The following MTUS1 variants were observed in gnomAD, a reference collection of about 807,000 sequenced individuals.
MTUS1 encodes microtubule-associated tumor suppressor 1.
In MTUS1, 109 loss-of-function variants were observed where a neutral mutation model predicts 120.8. The ratio of observed to expected loss-of-function variants is 0.90; its 90% CI spans 0.77 to 1.06. MTUS1 has a LOEUF of 1.06. MTUS1 is among the 50% of genes least tolerant of loss of function. The pLI is 0.00. For synonymous variants in MTUS1, 737 were observed against 550.5 expected (o/e 1.34, Z -4.74); for missense variants, 2,210 against 1,486.3 (o/e 1.49, Z -8.01).
intron 1 of MTUS1, among the ~76,000 whole-genome samples, chr8:17,790,700 G>C (rs1266460336): frequency 2.6e-5 from 4 of 152,146 alleles, no homozygotes; most frequent in African/African-American, 9.7e-5. Flanking sequence ...ACTACTGCAT[G>C]ACTTGGCCTG....
intron 2 of MTUS1, among the ~76,000 whole-genome samples, chr8:17,745,318 T>C (rs891298760): frequency 4.4e-4 from 67 of 152,236 alleles, no homozygotes; most frequent in Non-Finnish European, 1.5e-4. Flanking sequence ...ATATAACCTA[T>C]GTACATCCTC....
intron 1 of MTUS1, among the ~76,000 whole-genome samples, chr8:17,800,317 C>T (rs2052579480): frequency 6.6e-6 from 1 of 152,166 alleles, no homozygotes; most frequent in African/African-American, 2.4e-5. Context: ...AAAGCTTCCA[C>T]GCACCGTTTT....
intron 3 of MTUS1, among the ~76,000 whole-genome samples, chr8:17,739,456 T>TGATG (rs1203613529): frequency 6.6e-6 from 1 of 150,776 alleles, no homozygotes; most frequent in Non-Finnish European, 1.5e-5. Flanking sequence ...TTGCGTCAAT[T>TGATG]GCACTCCAGC....
Position 17,757,948 on chromosome 8 carries a change from G to T in MTUS1, c.-154-1987C>A, listed in dbSNP as rs1053404181. Reference sequence around the variant, plus strand: ...TTGTGAATCCTAAAATGAGGGCTGTGTGATTTATATTCTGATGGAAAGTGT... The same window carrying T: ...TTGTGAATCCTAAAATGAGGGCTGTTTGATTTATATTCTGATGGAAAGTGT... On this transcript the variant is annotated intron_variant, in intron 1 of 14. Transcript: ENST00000693296. Among the ~76,000 whole-genome samples the T allele has an allele frequency of 4.6e-5, 7 of 152,278 alleles. 1 individual carries two copies. In the East Asian group the frequency reaches 9.6e-4, roughly 21 times the overall value.
chr8:17,719,026 T>G (rs1033942909), intron 4 of MTUS1, among the ~76,000 whole-genome samples: 2 of 151,994 alleles, frequency 1.3e-5, no homozygotes, highest in African/African-American at 2.4e-5. Flanking sequence ...AAATATTAGC[T>G]GGACGTGGTG....
intron 1 of MTUS1, among the ~76,000 whole-genome samples, chr8:17,779,800 A>G (rs2050731770): frequency 6.6e-6 from 1 of 152,288 alleles, no homozygotes; most frequent in Middle Eastern, 3.4e-3. Flanking sequence ...GGGCGGGGGC[A>G]GCCCCTTATT....
chr8:17,753,664 A>G, intron 2 of MTUS1, 53 bp downstream of exon 2: 1 of 1,217,168 alleles, frequency 8.2e-7, no homozygotes, highest in Non-Finnish European at 1.1e-6. Flanking sequence ...AACACATCTC[A>G]GTTTTCTCCA....
chr8:17,688,778 A>G (rs574771289), intron 6 of MTUS1, among the ~76,000 whole-genome samples: 10 of 152,334 alleles, frequency 6.6e-5, no homozygotes, highest in African/African-American at 2.4e-4. Flanking sequence ...TGTTTACTCT[A>G]AAAGAGTTAA....
At position 17,743,641 on chromosome 8, in the gene MTUS1, G is replaced by T; in HGVS notation, c.2250C>A (p.Ala750=). ...SDNRNPSADR[A]VSPQRIRRVS... ...CACGCCTGATCCTCTGAGGAGATACGGCTCGATCAGCACTGGGATTTCTAT... is the reference window on the plus strand; with the variant it reads ...CACGCCTGATCCTCTGAGGAGATACTGCTCGATCAGCACTGGGATTTCTAT... The change falls in exon 3 of 15, where the codon GCC becomes GCA. Residue 750 remains alanine (A), a synonymous_variant. Transcript: ENST00000693296. The T allele has an allele frequency of 3.1e-6, 5 of 1,614,038 alleles. No individual in the cohort carries two copies. The highest frequency in any genetic ancestry group is 4.2e-6 in the Non-Finnish European group (5 of 1,180,002).
intron 3 of MTUS1, among the ~76,000 whole-genome samples, chr8:17,730,981 A>G (rs2046536496): frequency 1.4e-5 from 1 of 71,894 alleles, no homozygotes; most frequent in Non-Finnish European, 3.0e-5. Context: ...TGTGCAATAT[A>G]TATTTTGCCA....
chr8:17,655,782 G>T, intron 9 of MTUS1, 81 bp downstream of exon 9: 1 of 1,199,168 alleles, frequency 8.3e-7, no homozygotes, highest in Non-Finnish European at 1.2e-6. Context: ...AAAAAGAGAA[G>T]CTCATCAAGA....
chr8:17,720,253 G>C (rs1003344164), intron 4 of MTUS1, among the ~76,000 whole-genome samples: 1 of 151,866 alleles, frequency 6.6e-6, no homozygotes, highest in African/African-American at 2.4e-5. Flanking sequence ...GTTCAGACAG[G>C]AGAATTGCTT....
chr8:17,754,345 G>A lies in MTUS1; in HGVS notation c.1463C>T (p.Thr488Ile). Residue 488 changes from threonine to isoleucine, a missense_variant, in exon 2 of 15, where the codon ACC (threonine) becomes ATC (isoleucine). Physicochemically the swap from Thr to Ile is moderately conservative, Grantham distance 89. Coordinates refer to ENST00000693296, the MANE Select transcript of MTUS1 (RefSeq NM_001363059.2). ...SLGKSTIKTN[T>I]PIGCKVRKTE... Reference sequence around the variant, plus strand: ...TTTTCTAACTTTGCAGCCTATTGGGGTATTCGTTTTGATTGTTGATTTTCC... The same window carrying A: ...TTTTCTAACTTTGCAGCCTATTGGGATATTCGTTTTGATTGTTGATTTTCC... 1 of 1,614,028 alleles carries A rather than the reference G, an allele frequency of 6.2e-7. No homozygotes were observed. The highest frequency in any genetic ancestry group is 1.3e-5 in the African/African-American group (1 of 74,996).
chr8:17,658,444 A>G (rs899452902), intron 8 of MTUS1, among the ~76,000 whole-genome samples: 2 of 152,224 alleles, frequency 1.3e-5, no homozygotes, highest in Admixed American at 6.5e-5. Context: ...ACACACTACA[A>G]TAAATCCTAG....
chr8:17,794,526 C>A (rs905317548), intron 1 of MTUS1, among the ~76,000 whole-genome samples: 3 of 152,122 alleles, frequency 2.0e-5, no homozygotes, highest in African/African-American at 7.2e-5. Context: ...TAGGTCTTGG[C>A]ATGGCTCAGC....
At chr8:17,773,084 G>C (rs572246168) in intron 1 of MTUS1, among the ~76,000 whole-genome samples, 7 of 152,222 alleles carry the variant, frequency 4.6e-5, no homozygotes, top group African/African-American at 1.7e-4. Flanking sequence ...TGTTAATTTA[G>C]GCTGAAGGAC....
At chr8:17,716,332 T>C (rs429032) in intron 4 of MTUS1, 4,673 of 157,174 alleles carry the variant, frequency 0.03, 214 homozygotes, top group African/African-American at 0.11. Context: ...CCTTGGTAGC[T>C]ATAAGGACAC....
At chr8:17,749,557 A>G (rs1203448579) in intron 2 of MTUS1, among the ~76,000 whole-genome samples, 1 of 151,568 alleles carries the variant, frequency 6.6e-6, no homozygotes, top group Non-Finnish European at 1.5e-5. Context: ...GCTACTCAAA[A>G]GGCTGAGGCA....
chr8:17,692,631 C>G (rs940529765), intron 6 of MTUS1, among the ~76,000 whole-genome samples: 1 of 152,040 alleles, frequency 6.6e-6, no homozygotes, highest in Admixed American at 6.6e-5. Context: ...GTTCTCTTCA[C>G]GAACACAAAG....
Sources: gnomAD v4.1 joint callset for allele counts (sites outside exome capture counted in the v4.1 genomes callset) on GRCh38, gnomAD v4.1.1 for gene constraint, MANE v1.5 for transcripts, NCBI Gene and HGNC (gene_info 2026-07-23, HGNC 2026-07-21) for gene names.